The following OPCML variants were observed in gnomAD, a reference collection of about 807,000 sequenced individuals.
OPCML encodes opioid-binding protein/cell adhesion molecule.
OPCML carries 13 observed loss-of-function variants against 37.8 expected under a neutral mutation model. The observed-to-expected ratio is 0.34, with a 90% CI of 0.22 to 0.55. The LOEUF (loss-of-function observed/expected upper bound fraction) is 0.55, where lower values mean the gene tolerates loss of function less well. Among genes scored for constraint, OPCML ranks in the 20% least tolerant of loss-of-function variants. OPCML has a pLI of 0.91. For missense variants in OPCML, 341 were observed against 435.6 expected (o/e 0.78, Z 1.93); for synonymous variants, 176 against 168.8 (o/e 1.04, Z -0.33).
At chr11:133,058,131 G>A (rs1234626815) in intron 1 of OPCML, among the ~76,000 whole-genome samples, 1 of 152,136 alleles carries the variant, frequency 6.6e-6, no homozygotes, top group Non-Finnish European at 1.5e-5. Context: ...GGTAAAGCCA[G>A]GCAAATAATT....
intron 1 of OPCML, among the ~76,000 whole-genome samples, chr11:133,292,615 G>T (rs1055641893): frequency 6.6e-6 from 1 of 152,156 alleles, no homozygotes; most frequent in African/African-American, 2.4e-5. Flanking sequence ...GTACGCTGGG[G>T]TTTACTGTGA....
intron 2 of OPCML, among the ~76,000 whole-genome samples, chr11:132,788,169 G>A (rs1297720382): frequency 2.0e-5 from 3 of 152,120 alleles, no homozygotes; most frequent in Admixed American, 6.6e-5. Flanking sequence ...GTGAGCTACC[G>A]TGCCTGGCCC....
chr11:132,441,158 C>CTTTTTTTTTTTTTTTTTTTTTT lies in OPCML; in HGVS notation c.506-3800_506-3799insAAAAAAAAAAAAAAAAAAAAAA, dbSNP rs749099654. The stretch of plus-strand genomic sequence containing the variant: ...ATTCTGAAGATGTGTTCACCAAGGA[C>CTTTTTTTTTTTTTTTTTTTTTT]TTTTTTGTTTTTTTTTTTTTTTTTT... On this transcript the variant is annotated intron_variant, in intron 4 of 7. Transcript: ENST00000524381. 3.7e-4 allele frequency among the ~76,000 whole-genome samples: 40 copies of CTTTTTTTTTTTTTTTTTTTTTT among 108,046 alleles called. 3 individuals are homozygous for CTTTTTTTTTTTTTTTTTTTTTT. The highest frequency in any genetic ancestry group is 7.5e-4 in the African/African-American group (17 of 22,762). The allele number at this position is 108,046 out of a possible 152,430, so 70.9% of individuals were successfully genotyped here.
At chr11:133,035,746 G>T (rs551908530) in intron 1 of OPCML, among the ~76,000 whole-genome samples, 1 of 152,236 alleles carries the variant, frequency 6.6e-6, no homozygotes, top group African/African-American at 2.4e-5. Context: ...GGTCGTCAGG[G>T]TTGGCCCTAA....
chr11:133,303,598 G>A (rs778816099), intron 1 of OPCML, among the ~76,000 whole-genome samples: 4 of 152,266 alleles, frequency 2.6e-5, no homozygotes, highest in South Asian at 4.1e-4. Flanking sequence ...ATTTGAATCC[G>A]GTCTGATGTC....
chr11:132,726,884 C>T (rs549229399), intron 2 of OPCML, among the ~76,000 whole-genome samples: 145 of 152,270 alleles, frequency 9.5e-4, no homozygotes, highest in African/African-American at 2.9e-3. Flanking sequence ...GCACTTCCTA[C>T]CAAACCCCTC....
chr11:133,415,649 G>C (rs768951198), intron 1 of OPCML, among the ~76,000 whole-genome samples: 4 of 152,276 alleles, frequency 2.6e-5, no homozygotes, highest in African/African-American at 9.6e-5. Context: ...TGTGCATGTG[G>C]TACCTCACCT....
chr11:133,178,591 G>A (rs1937664042), intron 1 of OPCML, among the ~76,000 whole-genome samples: 1 of 152,148 alleles, frequency 6.6e-6, no homozygotes, highest in Non-Finnish European at 1.5e-5. Flanking sequence ...ACAGAAGGAA[G>A]CAGCATTTTG....
At chr11:132,612,639 G>C (rs1336668808) in intron 3 of OPCML, among the ~76,000 whole-genome samples, 1 of 152,210 alleles carries the variant, frequency 6.6e-6, no homozygotes, top group African/African-American at 2.4e-5. Flanking sequence ...TTGGGAATAA[G>C]TGGTCACAAC....
intron 1 of OPCML, among the ~76,000 whole-genome samples, chr11:133,082,431 C>CG (rs1948741138): frequency 8.7e-6 from 1 of 115,472 alleles, no homozygotes; most frequent in Non-Finnish European, 1.9e-5. Flanking sequence ...CCTCCCCCCT[C>CG]CCCATCCTTT....
At chr11:133,073,582 G>C (rs1396975525) in intron 1 of OPCML, among the ~76,000 whole-genome samples, 1 of 152,210 alleles carries the variant, frequency 6.6e-6, no homozygotes, top group African/African-American at 2.4e-5. Context: ...GGCTCCTTGG[G>C]GGTAAGAGTT....
At chr11:133,053,747 C>T (rs1439344002) in intron 1 of OPCML, among the ~76,000 whole-genome samples, 1 of 152,176 alleles carries the variant, frequency 6.6e-6, no homozygotes, top group Non-Finnish European at 1.5e-5. Context: ...CAGATCAGCT[C>T]TCCCTCCCTG....
chr11:132,637,139 A>AT (rs5795791), intron 3 of OPCML, among the ~76,000 whole-genome samples: 108,786 of 148,616 alleles, frequency 0.73, 40,370 homozygotes, highest in African/African-American at 0.89. Context: ...AAGGAATTAG[A>AT]TTTTTTTTTT....
intron 2 of OPCML, among the ~76,000 whole-genome samples, chr11:132,815,132 C>T (rs962824532): frequency 6.6e-6 from 1 of 152,168 alleles, no homozygotes; most frequent in African/African-American, 2.4e-5. Context: ...AGTTTCTTAA[C>T]TCATCTTTTT....
chr11:132,555,881 A>G (rs751258430), intron 3 of OPCML, among the ~76,000 whole-genome samples: 1 of 152,204 alleles, frequency 6.6e-6, no homozygotes, highest in Non-Finnish European at 1.5e-5. Context: ...ATCTCTTTAC[A>G]AAGAGAGTAT....
At chr11:133,327,323 T>C (rs557114662) in intron 1 of OPCML, among the ~76,000 whole-genome samples, 1 of 152,010 alleles carries the variant, frequency 6.6e-6, no homozygotes, top group African/African-American at 2.4e-5. Context: ...GATCCATTTG[T>C]ATATTTTGGC....
chr11:132,710,061 C>T (rs557952900), intron 2 of OPCML, among the ~76,000 whole-genome samples: 1 of 152,230 alleles, frequency 6.6e-6, no homozygotes, highest in Admixed American at 6.5e-5. Flanking sequence ...AATCTAAGTA[C>T]ACAAGTACAT....
intron 2 of OPCML, among the ~76,000 whole-genome samples, chr11:132,671,852 A>AG (rs1408195025): frequency 1.3e-5 from 2 of 152,318 alleles, no homozygotes; most frequent in Non-Finnish European, 1.5e-5. Context: ...AAGAGAAAAA[A>AG]GAAAACGAGA....
chr11:133,419,061 T>C, intron 1 of OPCML: 1 of 186,242 alleles, frequency 5.4e-6, no homozygotes, highest in African/African-American at 2.4e-5. Context: ...CACCAAACTA[T>C]CCTTGAGAAA....
Sources: allele counts gnomAD v4.1 joint callset (sites outside exome capture counted in the v4.1 genomes callset), GRCh38; gene constraint gnomAD v4.1.1; transcripts MANE v1.5; gene names NCBI Gene and HGNC (gene_info 2026-07-23, HGNC 2026-07-21).